Variants in WDPCP observed in about 807,000 individuals in gnomAD.
WDPCP encodes WD repeat containing planar cell polarity effector, also known as WD repeat-containing and planar cell polarity effector protein fritz homolog.
A neutral mutation model predicts 93.1 loss-of-function variants in WDPCP; 71 were observed. The ratio of observed to expected loss-of-function variants is 0.76; its 90% CI spans 0.63 to 0.93. The LOEUF is 0.93. Ranked by LOEUF, WDPCP falls within the 40% of genes least tolerant of loss-of-function variation. The probability of loss-of-function intolerance (pLI) is 0.00; values close to 1 mark genes in which losing one functional copy is unlikely to be tolerated. For missense variants in WDPCP, 844 were observed against 887.4 expected (o/e 0.95, Z 0.62); for synonymous variants, 315 against 315.0 (o/e 1.00, Z 0.00).
intron 1 of WDPCP, among the ~76,000 whole-genome samples, chr2:63,815,754 G>A (rs1670923735): frequency 6.6e-6 from 1 of 152,204 alleles, no homozygotes; most frequent in African/African-American, 2.4e-5. Flanking sequence ...TGGAAGGTCA[G>A]TATTAGTCAT....
intron 9 of WDPCP, among the ~76,000 whole-genome samples, chr2:63,427,519 T>C (rs999523241): frequency 5.9e-5 from 9 of 152,132 alleles, no homozygotes; most frequent in African/African-American, 2.2e-4. Flanking sequence ...AAGGCAGAAA[T>C]TTTAAAATTT....
chr2:63,328,916 A>G (rs757609651), intron 12 of WDPCP, among the ~76,000 whole-genome samples: 3 of 151,918 alleles, frequency 2.0e-5, no homozygotes, highest in Non-Finnish European at 2.9e-5. Context: ...TTTTGTAGAG[A>G]TGGGGTTTTG....
At chr2:63,600,638 T>G (rs186949961) in intron 3 of WDPCP, among the ~76,000 whole-genome samples, 1 of 151,762 alleles carries the variant, frequency 6.6e-6, no homozygotes, top group East Asian at 1.9e-4. Context: ...AGTTGATTTC[T>G]TCTTTCTAAG....
chr2:63,145,625 G>A (rs950522412), intron 17 of WDPCP, among the ~76,000 whole-genome samples: 18 of 152,156 alleles, frequency 1.2e-4, no homozygotes, highest in Admixed American at 9.8e-4. Flanking sequence ...CAACAGTCCT[G>A]AGTCTTTTTC....
intron 2 of WDPCP, among the ~76,000 whole-genome samples, chr2:63,691,986 T>C (rs977516809): frequency 1.4e-4 from 21 of 151,770 alleles, no homozygotes; most frequent in African/African-American, 4.8e-4. Flanking sequence ...TAAAAAAATA[T>C]AGGACCTACT....
At chr2:63,728,753 C>A (rs187614291) in intron 2 of WDPCP, among the ~76,000 whole-genome samples, 2 of 152,124 alleles carry the variant, frequency 1.3e-5, no homozygotes, top group Non-Finnish European at 2.9e-5. Flanking sequence ...CATTCCCATG[C>A]CATCATGGAC....
intron 12 of WDPCP, among the ~76,000 whole-genome samples, chr2:63,354,642 A>C (rs9789551): frequency 6.6e-6 from 1 of 151,852 alleles, no homozygotes; most frequent in Non-Finnish European, 1.5e-5. Flanking sequence ...CCACACCCCC[A>C]CACACATATA....
At chr2:63,599,025 A>G (rs1291339153) in intron 3 of WDPCP, 2 of 564,470 alleles carry the variant, frequency 3.5e-6, no homozygotes, top group Non-Finnish European at 5.6e-6. Context: ...CTTAAAATGC[A>G]TTTTCCTATG....
At chr2:63,247,146 C>T (rs1357871201) in intron 14 of WDPCP, among the ~76,000 whole-genome samples, 2 of 152,172 alleles carry the variant, frequency 1.3e-5, no homozygotes, top group African/African-American at 2.4e-5. Flanking sequence ...CCCTAGATGA[C>T]CCACTTCCGG....
chr2:63,482,925 G>A (rs1052452455), intron 6 of WDPCP, among the ~76,000 whole-genome samples: 9 of 151,898 alleles, frequency 5.9e-5, no homozygotes, highest in African/African-American at 2.2e-4. Flanking sequence ...TTAGATTACT[G>A]TAAATTACAA....
chr2:63,159,244 T>C (rs1269814622), intron 15 of WDPCP, among the ~76,000 whole-genome samples: 1 of 151,694 alleles, frequency 6.6e-6, no homozygotes. Context: ...TTTTTGATAC[T>C]TGGGTTTTTT....
intron 17 of WDPCP, among the ~76,000 whole-genome samples, chr2:63,145,821 G>C (rs1192159593): frequency 6.6e-6 from 1 of 152,164 alleles, no homozygotes; most frequent in Non-Finnish European, 1.5e-5. Flanking sequence ...TAACAATATT[G>C]ATTCTTCCTG....
chr2:63,614,277 A>G (rs567056819), intron 3 of WDPCP, among the ~76,000 whole-genome samples: 59 of 152,216 alleles, frequency 3.9e-4, no homozygotes, highest in African/African-American at 1.3e-3. Flanking sequence ...GCTTCTGTAC[A>G]CACTTGCATG....
chr2:63,231,812 C>G (rs564015841), intron 14 of WDPCP, among the ~76,000 whole-genome samples: 77 of 152,188 alleles, frequency 5.1e-4, no homozygotes, highest in Non-Finnish European at 1.0e-3. Context: ...ACTTTCTTCA[C>G]AGAATTGGAA....
intron 3 of WDPCP, among the ~76,000 whole-genome samples, chr2:63,607,578 C>T (rs916910310): frequency 3.3e-5 from 5 of 151,540 alleles, no homozygotes; most frequent in Non-Finnish European, 5.9e-5. Flanking sequence ...CGCCTGTAAT[C>T]CCAGCACTTT....
chr2:63,387,442 TA>T (rs754154723), intron 10 of WDPCP, among the ~76,000 whole-genome samples: 1 of 151,234 alleles, frequency 6.6e-6, no homozygotes, highest in Admixed American at 6.6e-5. Flanking sequence ...CGCTTCATGT[TA>T]AAAAAAAGAA....
intron 2 of WDPCP, among the ~76,000 whole-genome samples, chr2:63,707,228 A>C (rs888944278): frequency 4.6e-5 from 7 of 152,284 alleles, no homozygotes; most frequent in Non-Finnish European, 8.8e-5. Context: ...GTGTTTTCCA[A>C]CTTGGTTCCA....
intron 6 of WDPCP, among the ~76,000 whole-genome samples, chr2:63,471,485 C>T (rs1414368658): frequency 1.3e-5 from 2 of 152,168 alleles, no homozygotes; most frequent in African/African-American, 2.4e-5. Context: ...CTACTCTGAA[C>T]ATCAAAGTCA....
intron 1 of WDPCP, among the ~76,000 whole-genome samples, chr2:63,538,489 T>C (rs1010095329): frequency 6.6e-6 from 1 of 152,150 alleles, no homozygotes; most frequent in Non-Finnish European, 1.5e-5. Context: ...CTTTGACAAA[T>C]TGTTTTGCAC....
Sources: allele counts gnomAD v4.1 joint callset (sites outside exome capture counted in the v4.1 genomes callset), GRCh38; gene constraint gnomAD v4.1.1; transcripts MANE v1.5; gene names NCBI Gene and HGNC (gene_info 2026-07-23, HGNC 2026-07-21).